TMPRSS4: variants seen among roughly 807,000 people sequenced by gnomAD.
TMPRSS4 encodes transmembrane protease serine 4.
A neutral mutation model predicts 56.4 loss-of-function variants in TMPRSS4; 45 were observed. The ratio of observed to expected loss-of-function variants is 0.80; its 90% CI spans 0.63 to 1.02. The LOEUF is 1.02. Ranked by LOEUF, TMPRSS4 falls within the 50% of genes least tolerant of loss-of-function variation. TMPRSS4 has a pLI of 0.00. For synonymous variants in TMPRSS4, 205 were observed against 211.0 expected, an observed-to-expected ratio of 0.97 and a Z score of 0.25; for missense variants, 546 against 556.7, an observed-to-expected ratio of 0.98 and a Z score of 0.19.
At chr11:118,103,340 C>A in intron 4 of TMPRSS4, 87 bp downstream of exon 4, 1 of 1,476,598 alleles carries the variant, frequency 6.8e-7, no homozygotes, top group Non-Finnish European at 9.1e-7. Context: ...GTATCTGCCC[C>A]CTACTTGTCA....
At chr11:118,104,205 A>C (rs762656666) in intron 4 of TMPRSS4, among the ~76,000 whole-genome samples, 1 of 152,110 alleles carries the variant, frequency 6.6e-6, no homozygotes, top group Non-Finnish European at 1.5e-5. Context: ...GCCCACAGGC[A>C]CCTGTCATCC....
intron 1 of TMPRSS4, among the ~76,000 whole-genome samples, chr11:118,090,594 C>T (rs654176): frequency 7.2e-6 from 1 of 139,770 alleles, no homozygotes; most frequent in Non-Finnish European, 1.5e-5. Flanking sequence ...CTGGGCAATA[C>T]AGTGATACCT....
chr11:118,092,539 A>C (rs988577961), intron 1 of TMPRSS4, among the ~76,000 whole-genome samples: 1 of 152,258 alleles, frequency 6.6e-6, no homozygotes, highest in Non-Finnish European at 1.5e-5. Flanking sequence ...CAGGGTCTGC[A>C]AAATATCTCA....
At chr11:118,088,900 A>C (rs947920576) in intron 1 of TMPRSS4, among the ~76,000 whole-genome samples, 3 of 152,158 alleles carry the variant, frequency 2.0e-5, no homozygotes, top group Non-Finnish European at 4.4e-5. Context: ...TTCTCATCTG[A>C]AAATAAGGAA....
At chr11:118,093,872 C>A (rs970684093) in intron 1 of TMPRSS4, among the ~76,000 whole-genome samples, 4 of 149,636 alleles carry the variant, frequency 2.7e-5, no homozygotes, top group Admixed American at 6.7e-5. Flanking sequence ...ATTAACCTTG[C>A]CTTTTAAACT....
chr11:118,115,566 T>A, intron 11 of TMPRSS4: 3 of 322,748 alleles, frequency 9.3e-6, no homozygotes, highest in South Asian at 9.4e-5. Flanking sequence ...ACGCTTGTAA[T>A]CCCAGCACTT....
At chr11:118,104,588 A>G in intron 4 of TMPRSS4, 103 bp from the exon 5 acceptor site, 1 of 1,557,472 alleles carries the variant, frequency 6.4e-7, no homozygotes, top group Non-Finnish European at 8.7e-7. Context: ...TGGCACCCCC[A>G]GTTCTAGGTT....
In TMPRSS4 at chr11:118,118,114, C is replaced by T; in HGVS notation, c.*201C>T. 7.0e-7 allele frequency: 1 copy of T among 1,430,138 alleles called. No homozygotes were observed. Among genetic ancestry groups the T allele is most frequent in the South Asian group, 1.5e-5 (1 of 65,796 alleles). The allele number at this position is 1,430,138 out of a possible 1,614,324, so 88.6% of individuals were successfully genotyped here. The stretch of plus-strand genomic sequence containing the variant: ...AGAGGCGCCCAGAGGAAGTCAGCAG[C>T]CCTAGCTCGGCCACACTTGGTGCTC... On this transcript the variant is annotated 3_prime_UTR_variant, in exon 13 of 13. Transcript: ENST00000437212.
At chr11:118,112,225 G>C (rs1420434415) in intron 8 of TMPRSS4, among the ~76,000 whole-genome samples, 2 of 151,770 alleles carry the variant, frequency 1.3e-5, no homozygotes, top group African/African-American at 4.8e-5. Context: ...CTCTCTTTTT[G>C]CTTGTTTCCA....
In TMPRSS4 at chr11:118,102,859, A is replaced by G. The variant is rs1456053012; in HGVS notation, c.158-242A>G. 5.8e-6 allele frequency: 3 copies of G among 515,068 alleles called. No individual in the cohort carries two copies. The Middle Eastern group carries it at 1.6e-3, about 268-fold the overall frequency. 31.9% of individuals were successfully genotyped at this position (515,068 alleles called of 1,614,324 possible). A position where few individuals can be genotyped will look rare whatever the true frequency, so the allele number is the denominator to read the frequency against. On this transcript the variant is annotated intron_variant, in intron 3 of 12. Coordinates refer to ENST00000437212, the MANE Select transcript of TMPRSS4 (RefSeq NM_019894.4). ...AGTTACCAGCCTGTTTCTCCCACACACGTGACCTCTCTTGACTCCGCAGAC... is the reference window on the plus strand; with the variant it reads ...AGTTACCAGCCTGTTTCTCCCACACGCGTGACCTCTCTTGACTCCGCAGAC...
chr11:118,095,088 G>A lies in TMPRSS4; in HGVS notation c.43+233G>A, dbSNP rs1445033984. The A allele has an allele frequency of 4.8e-5, 27 of 567,130 alleles. No homozygotes were observed. In the East Asian group the frequency reaches 7.9e-4, roughly 17 times the overall value. 35.1% of individuals were successfully genotyped at this position (567,130 alleles called of 1,614,324 possible). A position where few individuals can be genotyped will look rare whatever the true frequency, so the allele number is the denominator to read the frequency against. On this transcript the variant is annotated intron_variant, in intron 2 of 12. Transcript: ENST00000437212. ...GACCAACAAACCTAAAATCCCCAAA[G>A]CAATGATTCTCCAATTCATTCATTC...
At chr11:118,123,405 A>G (rs771479951), downstream of TMPRSS4, among the ~76,000 whole-genome samples, 2 of 152,250 alleles carry the variant, frequency 1.3e-5, no homozygotes, top group South Asian at 2.1e-4. Context: ...GGAACAAAAC[A>G]TAAGAATTAG....
chr11:118,112,042 C>A, intron 8 of TMPRSS4, 142 bp downstream of exon 8: 1 of 1,204,310 alleles, frequency 8.3e-7, no homozygotes, highest in Non-Finnish European at 1.1e-6. Flanking sequence ...CCCAATGAGA[C>A]AATGGCCATG....
At chr11:118,088,356 G>C (rs572504878) in intron 1 of TMPRSS4, 1 of 151,696 alleles carries the variant, frequency 6.6e-6, no homozygotes, top group Non-Finnish European at 1.5e-5. Context: ...AATAACTAAT[G>C]GTTCTGCCTC....
intron 3 of TMPRSS4, among the ~76,000 whole-genome samples, chr11:118,100,046 G>A (rs1946657470): frequency 6.6e-6 from 1 of 152,106 alleles, no homozygotes; most frequent in Non-Finnish European, 1.5e-5. Context: ...TAGGGCACTG[G>A]GGACCAGACT....
At chr11:118,091,660 A>G (rs951076516) in intron 1 of TMPRSS4, among the ~76,000 whole-genome samples, 3 of 152,154 alleles carry the variant, frequency 2.0e-5, no homozygotes, top group African/African-American at 7.2e-5. Flanking sequence ...TACAATGTAG[A>G]TGCTTTACAA....
intron 8 of TMPRSS4, among the ~76,000 whole-genome samples, chr11:118,112,789 A>G (rs1211844954): frequency 6.6e-6 from 1 of 150,722 alleles, no homozygotes; most frequent in African/African-American, 2.4e-5. Context: ...GCTGTCTTCA[A>G]GGCACTCATG....
At chr11:118,099,325 T>C (rs1263224643) in intron 3 of TMPRSS4, among the ~76,000 whole-genome samples, 1 of 146,034 alleles carries the variant, frequency 6.8e-6, no homozygotes, top group Non-Finnish European at 1.5e-5. Flanking sequence ...ACCCCCTCAG[T>C]AAGTGGCAGC....
chr11:118,116,849 T>G (rs1947583358), intron 11 of TMPRSS4, among the ~76,000 whole-genome samples: 1 of 151,774 alleles, frequency 6.6e-6, no homozygotes, highest in Non-Finnish European at 1.5e-5. Flanking sequence ...GTAGCTGGGA[T>G]TACAGGTGCC....
Sources: gnomAD v4.1 joint callset for allele counts (sites outside exome capture counted in the v4.1 genomes callset) on GRCh38, gnomAD v4.1.1 for gene constraint, MANE v1.5 for transcripts, NCBI Gene and HGNC (gene_info 2026-07-23, HGNC 2026-07-21) for gene names.